The following DGKB variants were observed in gnomAD, a reference collection of about 807,000 sequenced individuals.
The protein encoded by DGKB is diacylglycerol kinase beta.
Under a neutral mutation model 114.3 loss-of-function variants are expected in DGKB, and 67 were observed. The ratio of observed to expected loss-of-function variants is 0.59; its 90% CI spans 0.48 to 0.72. The LOEUF (loss-of-function observed/expected upper bound fraction) is 0.72, where lower values mean the gene tolerates loss of function less well. Ranked by LOEUF, DGKB falls within the 30% of genes least tolerant of loss-of-function variation. The probability of loss-of-function intolerance (pLI) is 0.00; values close to 1 mark genes in which losing one functional copy is unlikely to be tolerated. For synonymous variants in DGKB, 398 were observed against 323.1 expected, an observed-to-expected ratio of 1.23 and a Z score of -2.49; for missense variants, 907 against 975.2, an observed-to-expected ratio of 0.93 and a Z score of 0.93.
chr7:14,485,910 G>A (rs899355371), intron 20 of DGKB, among the ~76,000 whole-genome samples: 2 of 150,004 alleles, frequency 1.3e-5, no homozygotes, highest in African/African-American at 4.9e-5. Flanking sequence ...AAAAAAAATA[G>A]GGACACCTTT....
chr7:14,540,564 A>G (rs1359664212), intron 20 of DGKB, among the ~76,000 whole-genome samples: 1 of 152,208 alleles, frequency 6.6e-6, no homozygotes, highest in Non-Finnish European at 1.5e-5. Flanking sequence ...GTGCAAAGTC[A>G]TCACAGTTGC....
chr7:14,771,216 C>CT (rs1163841422), intron 2 of DGKB, among the ~76,000 whole-genome samples: 1 of 152,108 alleles, frequency 6.6e-6, no homozygotes, highest in Non-Finnish European at 1.5e-5. Context: ...TCACATATGT[C>CT]TTTAGGTAAA....
intron 21 of DGKB, among the ~76,000 whole-genome samples, chr7:14,355,137 C>T (rs1814198280): frequency 1.3e-5 from 2 of 152,122 alleles, no homozygotes; most frequent in South Asian, 2.1e-4. Context: ...TTGGCTCTCT[C>T]CCTCTCTCCC....
chr7:14,961,135 A>T (rs1169450644), intron 1 of DGKB, among the ~76,000 whole-genome samples: 1 of 152,136 alleles, frequency 6.6e-6, no homozygotes, highest in East Asian at 1.9e-4. Flanking sequence ...ACATATGTTC[A>T]GTCATAATGC....
At chr7:14,374,807 C>T (rs12155191) in intron 21 of DGKB, among the ~76,000 whole-genome samples, 88,914 of 151,904 alleles carry the variant, frequency 0.59, 26,508 homozygotes, top group East Asian at 0.65. Context: ...TTAGCAGTAT[C>T]CCTGGCCTCT....
At chr7:14,163,778 T>C (rs1234995209) in intron 25 of DGKB, among the ~76,000 whole-genome samples, 1 of 152,122 alleles carries the variant, frequency 6.6e-6, no homozygotes, top group African/African-American at 2.4e-5. Flanking sequence ...GCAGATCACC[T>C]GAGGTCAGGA....
intron 1 of DGKB, among the ~76,000 whole-genome samples, chr7:14,842,590 C>T (rs189255121): frequency 6.6e-6 from 1 of 152,212 alleles, no homozygotes; most frequent in African/African-American, 2.4e-5. Context: ...TTGTGGACAT[C>T]TTCCACCCAG....
At chr7:14,806,792 T>G (rs991481952) in intron 2 of DGKB, among the ~76,000 whole-genome samples, 4 of 151,716 alleles carry the variant, frequency 2.6e-5, no homozygotes, top group South Asian at 2.1e-4. Context: ...GATGCTGCTA[T>G]TCTCAGATCA....
chr7:14,631,278 A>AAAG (rs1554558198), intron 13 of DGKB, among the ~76,000 whole-genome samples: 11 of 150,446 alleles, frequency 7.3e-5, no homozygotes, highest in African/African-American at 2.7e-4. Flanking sequence ...AAAAAAAAAA[A>AAAG]AAAAGAAAAA....
intron 1 of DGKB, among the ~76,000 whole-genome samples, chr7:14,898,983 A>C (rs1268036652): frequency 6.6e-6 from 1 of 152,160 alleles, no homozygotes; most frequent in Non-Finnish European, 1.5e-5. Flanking sequence ...ATATCCTTAA[A>C]AAAGAATTTC....
chr7:14,711,057 T>C (rs1344089963), intron 6 of DGKB, among the ~76,000 whole-genome samples: 1 of 152,142 alleles, frequency 6.6e-6, no homozygotes, highest in East Asian at 1.9e-4. Context: ...CCTGAAAATT[T>C]TGAACAGGTT....
chr7:14,617,096 A>G (rs1563690314), intron 15 of DGKB, among the ~76,000 whole-genome samples: 1 of 151,682 alleles, frequency 6.6e-6, no homozygotes, highest in Admixed American at 6.6e-5. Flanking sequence ...CTCTCTATAT[A>G]CACACTCTGT....
chr7:14,824,270 A>AT (rs377243631), intron 2 of DGKB, among the ~76,000 whole-genome samples: 3 of 151,958 alleles, frequency 2.0e-5, no homozygotes, highest in African/African-American at 7.3e-5. Context: ...TGTTCTCCTC[A>AT]TTTTTTTTCT....
At chr7:14,704,263 G>A (rs1340494214) in intron 6 of DGKB, among the ~76,000 whole-genome samples, 4 of 139,542 alleles carry the variant, frequency 2.9e-5, no homozygotes, top group Non-Finnish European at 4.6e-5. Context: ...GTGAAACCCC[G>A]TCTCTACTAA....
chr7:14,587,111 T>C (rs1374305965), intron 17 of DGKB, among the ~76,000 whole-genome samples: 2 of 152,114 alleles, frequency 1.3e-5, no homozygotes, highest in Non-Finnish European at 2.9e-5. Context: ...ACAACCTCTG[T>C]AAAGGATTTA....
intron 1 of DGKB, among the ~76,000 whole-genome samples, chr7:14,851,271 C>CAAAAGAGGAAA (rs1849312386): frequency 6.6e-6 from 1 of 151,964 alleles, no homozygotes; most frequent in South Asian, 2.1e-4. Context: ...TTTGGTGATG[C>CAAAAGAGGAAA]AAAAGAGGAA....
chr7:14,610,170 G>T (rs1052302429), intron 16 of DGKB, among the ~76,000 whole-genome samples: 1 of 152,008 alleles, frequency 6.6e-6, no homozygotes, highest in Non-Finnish European at 1.5e-5. Context: ...TACATATATA[G>T]CATGGAATAC....
intron 6 of DGKB, among the ~76,000 whole-genome samples, chr7:14,702,782 T>G (rs1825434390): frequency 6.6e-6 from 1 of 152,202 alleles, no homozygotes; most frequent in Non-Finnish European, 1.5e-5. Flanking sequence ...TTGTAGGTGA[T>G]TATTTTTGTA....
intron 21 of DGKB, among the ~76,000 whole-genome samples, chr7:14,471,549 A>T (rs1781399887): frequency 6.6e-6 from 1 of 150,722 alleles, no homozygotes; most frequent in African/African-American, 2.4e-5. Context: ...AAGTAATCTC[A>T]TATTATTTAT....
Sources: gnomAD v4.1 joint callset for allele counts (sites outside exome capture counted in the v4.1 genomes callset) on GRCh38, gnomAD v4.1.1 for gene constraint, MANE v1.5 for transcripts, NCBI Gene and HGNC (gene_info 2026-07-23, HGNC 2026-07-21) for gene names.